The following AREL1 variants were observed in gnomAD, a reference collection of about 807,000 sequenced individuals.
AREL1 encodes apoptosis-resistant E3 ubiquitin protein ligase 1.
In AREL1, 62 loss-of-function variants were observed where a neutral mutation model predicts 99.0. That is an observed-to-expected ratio of 0.63 (90% confidence interval 0.51 to 0.77). AREL1 has a LOEUF of 0.77. Ranked by LOEUF, AREL1 falls within the 30% of genes least tolerant of loss-of-function variation. The pLI is 0.00. For synonymous variants in AREL1, 380 were observed against 376.5 expected (o/e 1.01, Z -0.11); for missense variants, 879 against 1,027.6 (o/e 0.86, Z 1.98).
At chr14:74,699,359 G>A (rs2090037329) in intron 1 of AREL1, among the ~76,000 whole-genome samples, 1 of 137,836 alleles carries the variant, frequency 7.3e-6, no homozygotes, top group Non-Finnish European at 1.6e-5. Flanking sequence ...GTGTGTGTGT[G>A]TGTGTGTGTG....
At chr14:74,669,584 T>C (rs1595339240) in intron 15 of AREL1, 65 bp downstream of exon 15, 3 of 1,555,128 alleles carry the variant, frequency 1.9e-6, no homozygotes, top group East Asian at 2.3e-5. Context: ...AAAGTTCTCT[T>C]AGACAGTCCT....
chr14:74,692,349 G>T (rs1173407396), intron 1 of AREL1, 21 bp from the exon 2 acceptor site: 1 of 403,354 alleles, frequency 2.5e-6, no homozygotes, highest in Non-Finnish European at 4.8e-6. Context: ...AAGAAAACAG[G>T]GTTAGTTGGA....
chr14:74,681,778 G>GAAAAAA (rs1294500748), intron 5 of AREL1, among the ~76,000 whole-genome samples: 1 of 128,432 alleles, frequency 7.8e-6, no homozygotes, highest in South Asian at 2.5e-4. Flanking sequence ...AAAAAAAAAA[G>GAAAAAA]AAAAAAAAAA....
chr14:74,677,789 C>A (rs1258816702), intron 5 of AREL1, among the ~76,000 whole-genome samples: 1 of 148,072 alleles, frequency 6.8e-6, no homozygotes, highest in African/African-American at 2.5e-5. Context: ...GCGTAAGCCA[C>A]GGTGCCCAGC....
rs1296566234 is a variant in AREL1, at chr14:74,664,824, T to C, written c.2193+12A>G. 1 of 1,611,582 alleles carries C rather than the reference T, an allele frequency of 6.2e-7. No homozygotes were observed. On this transcript the variant is annotated intron_variant, in intron 18 of 19. Coordinates refer to ENST00000356357, the MANE Select transcript of AREL1 (RefSeq NM_001039479.2). ...GGCACAAATCCAACTGAAAGAAGTT[T>C]GGTCCATTTACCTTTTCTCTGAAAT...
chr14:74,666,851 C>T (rs922153301), intron 17 of AREL1, among the ~76,000 whole-genome samples: 3 of 151,758 alleles, frequency 2.0e-5, no homozygotes, highest in African/African-American at 7.3e-5. Context: ...TCCCAAGTAG[C>T]TGGGATTACA....
chr14:74,675,988 G>A (rs1335532249), intron 7 of AREL1, 42 bp from the exon 8 acceptor site: 3 of 1,539,544 alleles, frequency 1.9e-6, no homozygotes. Context: ...AGAAGTCAGA[G>A]AAGAAAAAAA....
intron 5 of AREL1, chr14:74,678,143 A>G: frequency 2.2e-6 from 1 of 449,714 alleles, no homozygotes; most frequent in South Asian, 1.6e-5. Context: ...TACTAAAACA[A>G]TTTTGAAAAA....
intron 18 of AREL1, 68 bp from the exon 19 acceptor site, chr14:74,664,142 G>A (rs537579875): frequency 1.3e-6 from 2 of 1,527,828 alleles, no homozygotes; most frequent in East Asian, 2.4e-5. Flanking sequence ...CCTGGGGAAG[G>A]AACAAGATAC....
At position 74,683,226 on chromosome 14, in the gene AREL1, A is replaced by C. The variant is rs1004503618; in HGVS notation, c.481+70T>G. 3.5e-6 allele frequency: 4 copies of C among 1,131,160 alleles called. No homozygotes were observed. The African/African-American group carries it at 4.7e-5, about 13-fold the overall frequency. 70.1% of individuals were successfully genotyped at this position (1,131,160 alleles called of 1,614,324 possible). On this transcript the variant is annotated intron_variant, in intron 5 of 19. Transcript: ENST00000356357. ...TCTCAATAAAGGTATTATTTTTAAA[A>C]AGGAAAGACAGGATGGAAAGAGAGA...
intron 1 of AREL1, among the ~76,000 whole-genome samples, chr14:74,704,323 G>A (rs1288313517): frequency 2.0e-5 from 3 of 152,152 alleles, no homozygotes; most frequent in Non-Finnish European, 2.9e-5. Context: ...AGGTCCTGAC[G>A]ACATGTGCCC....
intron 5 of AREL1, chr14:74,678,196 A>G: frequency 2.2e-6 from 1 of 455,110 alleles, no homozygotes; most frequent in Non-Finnish European, 4.4e-6. Flanking sequence ...AAGACTTATT[A>G]TAAGAGCTAC....
At chr14:74,667,125 C>G (rs1029490205) in intron 17 of AREL1, among the ~76,000 whole-genome samples, 194 bp downstream of exon 17, 1 of 152,206 alleles carries the variant, frequency 6.6e-6, no homozygotes, top group Admixed American at 6.5e-5. Context: ...TCTCTGCACT[C>G]TTTGCTACTA....
At chr14:74,677,880 T>A (rs1275760941) in intron 5 of AREL1, among the ~76,000 whole-genome samples, 1 of 150,444 alleles carries the variant, frequency 6.6e-6, no homozygotes, top group Non-Finnish European at 1.5e-5. Flanking sequence ...GGGAATTATT[T>A]TTGTTACAAA....
Position 74,713,028 on chromosome 14 carries a change from C to G in AREL1, c.-429G>C. 1 of 1,139,894 alleles carries G rather than the reference C, an allele frequency of 8.8e-7. No individual in the cohort carries two copies. The highest frequency in any genetic ancestry group is 1.3e-5 in the South Asian group (1 of 79,216). 70.6% of individuals were successfully genotyped at this position (1,139,894 alleles called of 1,614,324 possible). On this transcript the variant is annotated 5_prime_UTR_variant, in exon 1 of 20. Transcript: ENST00000356357. ...GAAGACGGGCTCCCCACTCTCCCAC[C>G]AACAGACCCCAGAGTTGGTCTCCAC... is the stretch of plus-strand genomic sequence containing the variant.
At chr14:74,677,952 A>G (rs1243118567) in intron 5 of AREL1, among the ~76,000 whole-genome samples, 2 of 152,222 alleles carry the variant, frequency 1.3e-5, no homozygotes, top group Non-Finnish European at 2.9e-5. Context: ...AAACAAAAAA[A>G]CCAACAAACA....
intron 1 of AREL1, among the ~76,000 whole-genome samples, chr14:74,707,336 C>T (rs548251557): frequency 2.7e-4 from 40 of 150,558 alleles, no homozygotes; most frequent in African/African-American, 9.3e-4. Flanking sequence ...CCATTGCACT[C>T]CAGCCTGGGT....
intron 18 of AREL1, among the ~76,000 whole-genome samples, chr14:74,664,613 ATTTTTTTT>A (rs747317541): frequency 3.4e-5 from 4 of 117,994 alleles, no homozygotes; most frequent in Non-Finnish European, 3.5e-5. Context: ...CACCCAGCTA[ATTTTTTTT>A]TTTTTTTTTT....
intron 1 of AREL1, among the ~76,000 whole-genome samples, chr14:74,705,334 T>TG (rs1244938248): frequency 6.6e-6 from 1 of 152,202 alleles, no homozygotes; most frequent in Non-Finnish European, 1.5e-5. Flanking sequence ...CCACCATGCC[T>TG]GGCCCCAGTT....
Sources: allele counts gnomAD v4.1 joint callset (sites outside exome capture counted in the v4.1 genomes callset), GRCh38; gene constraint gnomAD v4.1.1; transcripts MANE v1.5; gene names NCBI Gene and HGNC (gene_info 2026-07-23, HGNC 2026-07-21).